The following SLC8A1 variants were observed in gnomAD, a reference collection of about 807,000 sequenced individuals.
SLC8A1 encodes sodium/calcium exchanger 1.
A neutral mutation model predicts 68.3 loss-of-function variants in SLC8A1; 18 were observed. The ratio of observed to expected loss-of-function variants is 0.26; its 90% CI spans 0.18 to 0.39. The LOEUF (loss-of-function observed/expected upper bound fraction) is 0.39. Among genes scored for constraint, SLC8A1 ranks in the 10% least tolerant of loss-of-function variants. SLC8A1 has a pLI of 1.00. For missense variants in SLC8A1, 985 were observed against 1,156.7 expected, an observed-to-expected ratio of 0.85 and a Z score of 2.15; for synonymous variants, 475 against 415.5, an observed-to-expected ratio of 1.14 and a Z score of -1.74.
chr2:40,181,033 T>C (rs1158872207), intron 2 of SLC8A1, among the ~76,000 whole-genome samples: 2 of 151,720 alleles, frequency 1.3e-5, no homozygotes, highest in South Asian at 2.1e-4. Context: ...GATCTCGGCT[T>C]ACTGCAACCT....
intron 2 of SLC8A1, among the ~76,000 whole-genome samples, chr2:40,411,407 G>C (rs1199850837): frequency 6.6e-6 from 1 of 151,996 alleles, no homozygotes. Flanking sequence ...AATTCAGGCA[G>C]ATTCTCTTAA....
intron 2 of SLC8A1, among the ~76,000 whole-genome samples, chr2:40,376,183 T>C (rs530685048): frequency 6.6e-6 from 1 of 152,232 alleles, no homozygotes; most frequent in East Asian, 1.9e-4. Flanking sequence ...GTTTGTGACT[T>C]AACTGTTAAC....
intron 2 of SLC8A1, among the ~76,000 whole-genome samples, chr2:40,347,550 T>C (rs1028500441): frequency 4.6e-5 from 7 of 152,158 alleles, no homozygotes; most frequent in Non-Finnish European, 8.8e-5. Context: ...ATATGCAAAA[T>C]AAGCATAATA....
chr2:40,440,889 C>G (rs1700336337), intron 1 of SLC8A1, among the ~76,000 whole-genome samples: 1 of 152,146 alleles, frequency 6.6e-6, no homozygotes. Context: ...TGCCCTCTCT[C>G]ACCACTGCTG....
intron 2 of SLC8A1, among the ~76,000 whole-genome samples, chr2:40,341,799 G>A (rs1667782261): frequency 6.6e-6 from 1 of 152,090 alleles, no homozygotes; most frequent in Admixed American, 6.6e-5. Flanking sequence ...AACATTCACA[G>A]GATGATAGTG....
At chr2:40,489,811 A>G (rs1289082007) in intron 1 of SLC8A1, among the ~76,000 whole-genome samples, 1 of 151,962 alleles carries the variant, frequency 6.6e-6, no homozygotes, top group African/African-American at 2.4e-5. Flanking sequence ...AAAGGATCAG[A>G]AGGTTTGCTG....
At chr2:40,437,945 C>A (rs1454149315) in intron 1 of SLC8A1, among the ~76,000 whole-genome samples, 1 of 152,074 alleles carries the variant, frequency 6.6e-6, no homozygotes, top group Non-Finnish European at 1.5e-5. Flanking sequence ...AGGACCCTTC[C>A]ATTACTAGAG....
chr2:40,335,432 C>G (rs773300409), intron 2 of SLC8A1, among the ~76,000 whole-genome samples: 1 of 152,156 alleles, frequency 6.6e-6, no homozygotes, highest in Non-Finnish European at 1.5e-5. Context: ...AGTGGTTAGT[C>G]TATAACCATA....
At chr2:40,232,636 C>A (rs1338131067) in intron 2 of SLC8A1, among the ~76,000 whole-genome samples, 1 of 140,858 alleles carries the variant, frequency 7.1e-6, no homozygotes, top group African/African-American at 2.6e-5. Flanking sequence ...TTTTAGGGTA[C>A]ATGTGCACAT....
chr2:40,410,928 G>T (rs1691937366), intron 2 of SLC8A1, among the ~76,000 whole-genome samples: 1 of 151,912 alleles, frequency 6.6e-6, no homozygotes, highest in African/African-American at 2.4e-5. Context: ...CCAGCAAATG[G>T]GATTCAAAAT....
chr2:40,374,358 T>C (rs1227080089), intron 2 of SLC8A1, among the ~76,000 whole-genome samples: 2 of 151,612 alleles, frequency 1.3e-5, no homozygotes, highest in African/African-American at 2.4e-5. Context: ...TATTTATATA[T>C]ATATTTATAT....
chr2:40,128,111 A>C (rs1384820675), intron 7 of SLC8A1, among the ~76,000 whole-genome samples: 1 of 152,272 alleles, frequency 6.6e-6, no homozygotes, highest in African/African-American at 2.4e-5. Context: ...GGCGCTGTGC[A>C]TAAATGCCAA....
At position 40,482,069 on chromosome 2, in the gene SLC8A1, A is replaced by T. The variant is rs954101428; in HGVS notation, c.-25+30280T>A. 2.6e-5 allele frequency among the ~76,000 whole-genome samples: 4 copies of T among 152,308 alleles called. No homozygotes were observed. In the East Asian group the frequency reaches 5.8e-4, roughly 22 times the overall value. Reference sequence around the variant, plus strand: ...AGGTCCCAAGCTCCTGCATTTTTTTAAAATACATATTTTATTGTGGTAAGA... The same window carrying T: ...AGGTCCCAAGCTCCTGCATTTTTTTTAAATACATATTTTATTGTGGTAAGA... On this transcript the variant is annotated intron_variant, in intron 1 of 7. Coordinates refer to the SLC8A1 transcript ENST00000402441.
chr2:40,348,513 G>C (rs750723748), intron 2 of SLC8A1, among the ~76,000 whole-genome samples: 1 of 152,132 alleles, frequency 6.6e-6, no homozygotes, highest in Non-Finnish European at 1.5e-5. Context: ...TCAAGAAAAA[G>C]ATAAATCTGC....
At chr2:40,454,068 G>A (rs979501372), upstream of SLC8A1, among the ~76,000 whole-genome samples, 1 of 152,160 alleles carries the variant, frequency 6.6e-6, no homozygotes, top group African/African-American at 2.4e-5. Flanking sequence ...AGAGACAGAA[G>A]GTCACTGTCT....
chr2:40,373,693 C>T (rs13410483), intron 2 of SLC8A1, among the ~76,000 whole-genome samples: 11,396 of 151,982 alleles, frequency 0.075, 1,359 homozygotes, highest in African/African-American at 0.25. Context: ...CAGTTGGATC[C>T]GAGGCTCAGA....
intron 2 of SLC8A1, among the ~76,000 whole-genome samples, chr2:40,380,923 G>C (rs1360771221): frequency 6.6e-6 from 1 of 151,998 alleles, no homozygotes; most frequent in Non-Finnish European, 1.5e-5. Context: ...AAAATGTCTG[G>C]CTTTCTGTGA....
chr2:40,383,080 T>A (rs1440926482), intron 2 of SLC8A1, among the ~76,000 whole-genome samples: 1 of 152,144 alleles, frequency 6.6e-6, no homozygotes, highest in Non-Finnish European at 1.5e-5. Flanking sequence ...AATCTGGACC[T>A]ATTATCCCTG....
upstream of SLC8A1, among the ~76,000 whole-genome samples, chr2:40,455,397 C>A (rs186088756): frequency 6.6e-6 from 1 of 152,220 alleles, no homozygotes; most frequent in East Asian, 1.9e-4. Context: ...TCAGAGGTAC[C>A]TCTATTGTCT....
Sources: allele counts gnomAD v4.1 joint callset (sites outside exome capture counted in the v4.1 genomes callset), GRCh38; gene constraint gnomAD v4.1.1; transcripts MANE v1.5; gene names NCBI Gene and HGNC (gene_info 2026-07-23, HGNC 2026-07-21).